The following CTNND2 variants were observed in gnomAD, a reference collection of about 807,000 sequenced individuals.
The protein encoded by CTNND2 is catenin delta-2.
Under a neutral mutation model 144.4 loss-of-function variants are expected in CTNND2, and 22 were observed. The ratio of observed to expected loss-of-function variants is 0.15; its 90% CI spans 0.11 to 0.22. CTNND2 has a LOEUF of 0.22. CTNND2 is among the 10% of genes least tolerant of loss of function. The pLI is 1.00. For synonymous variants in CTNND2, 751 were observed against 695.6 expected (o/e 1.08, Z -1.25); for missense variants, 1,353 against 1,618.8 (o/e 0.84, Z 2.82).
intron 2 of CTNND2, among the ~76,000 whole-genome samples, chr5:11,578,243 AC>A (rs1778115541): frequency 6.6e-6 from 1 of 152,212 alleles, no homozygotes. Flanking sequence ...TTAAAATTGT[AC>A]CCTAACGTAA....
chr5:11,417,244 G>T (rs558987659), intron 3 of CTNND2, among the ~76,000 whole-genome samples: 2 of 152,264 alleles, frequency 1.3e-5, no homozygotes, highest in Admixed American at 1.3e-4. Context: ...AGAAGCCAGG[G>T]TTATGACCTT....
intron 18 of CTNND2, among the ~76,000 whole-genome samples, chr5:11,015,476 T>C (rs140738021): frequency 6.6e-6 from 1 of 152,372 alleles, no homozygotes; most frequent in African/African-American, 2.4e-5. Flanking sequence ...GAAACATATT[T>C]TAAGCATCTT....
chr5:11,354,536 T>C (rs1755661934), intron 8 of CTNND2, among the ~76,000 whole-genome samples: 1 of 152,204 alleles, frequency 6.6e-6, no homozygotes, highest in Non-Finnish European at 1.5e-5. Context: ...TCTTGATCTA[T>C]TCATTTGTCT....
intron 11 of CTNND2, among the ~76,000 whole-genome samples, chr5:11,164,583 T>C (rs774808981): frequency 6.6e-6 from 1 of 152,182 alleles, no homozygotes; most frequent in Non-Finnish European, 1.5e-5. Flanking sequence ...CTCTAGTCAC[T>C]GTGCTCCAGC....
At chr5:11,172,628 G>C (rs1760043119) in intron 11 of CTNND2, among the ~76,000 whole-genome samples, 1 of 152,178 alleles carries the variant, frequency 6.6e-6, no homozygotes, top group Non-Finnish European at 1.5e-5. Flanking sequence ...GGGTGATAGA[G>C]GATAAAACAA....
intron 1 of CTNND2, among the ~76,000 whole-genome samples, chr5:11,793,179 T>C (rs1044255307): frequency 6.6e-6 from 1 of 152,210 alleles, no homozygotes; most frequent in Non-Finnish European, 1.5e-5. Flanking sequence ...ACTATAAATG[T>C]CCACTCTTCA....
chr5:11,497,826 C>T (rs186988575), intron 3 of CTNND2, among the ~76,000 whole-genome samples: 1 of 152,122 alleles, frequency 6.6e-6, no homozygotes, highest in Non-Finnish European at 1.5e-5. Flanking sequence ...CTGTACTCCT[C>T]CCCACCCCAC....
intron 9 of CTNND2, among the ~76,000 whole-genome samples, chr5:11,237,266 A>T: frequency 6.6e-6 from 1 of 151,882 alleles, no homozygotes. Context: ...TGATCCGCCC[A>T]CCTCGGCCTC....
chr5:11,804,027 C>T (rs1273646633), intron 1 of CTNND2, among the ~76,000 whole-genome samples: 4 of 152,116 alleles, frequency 2.6e-5, no homozygotes, highest in African/African-American at 9.7e-5. Context: ...GAGTTCTGTA[C>T]TTCTATAAAG....
intron 2 of CTNND2, among the ~76,000 whole-genome samples, chr5:11,684,147 G>C (rs144650645): frequency 0.013 from 1,902 of 151,204 alleles, 16 homozygotes; most frequent in Non-Finnish European, 0.02. Flanking sequence ...TGTCATCCAG[G>C]CTGGAATGCA....
chr5:11,300,959 A>G (rs1749538685), intron 9 of CTNND2, among the ~76,000 whole-genome samples: 1 of 152,160 alleles, frequency 6.6e-6, no homozygotes, highest in African/African-American at 2.4e-5. Context: ...GGAAGAAAAC[A>G]AAACAGAATG....
intron 2 of CTNND2, among the ~76,000 whole-genome samples, chr5:11,595,446 G>C (rs953053758): frequency 2.0e-5 from 3 of 152,252 alleles, no homozygotes; most frequent in African/African-American, 7.2e-5. Context: ...GCAGTGTAGG[G>C]TATATTAAAT....
chr5:11,847,155 TA>T, intron 1 of CTNND2, among the ~76,000 whole-genome samples: 1 of 132,560 alleles, frequency 7.5e-6, no homozygotes, highest in Non-Finnish European at 1.6e-5. Context: ...TATATATATA[TA>T]TATATATATA....
chr5:11,795,659 G>A (rs1791361651), intron 1 of CTNND2, among the ~76,000 whole-genome samples: 1 of 152,180 alleles, frequency 6.6e-6, no homozygotes, highest in Non-Finnish European at 1.5e-5. Context: ...GTGGCTGATG[G>A]CCCATGATAG....
intron 1 of CTNND2, among the ~76,000 whole-genome samples, chr5:11,860,105 T>C (rs4330462): frequency 0.66 from 100,058 of 152,172 alleles, 33,413 homozygotes; most frequent in East Asian, 0.82. Context: ...TAAGGTTCAA[T>C]TGGTTTATGC....
At chr5:11,775,516 ACTTTATCTTGT>A (rs1410508249) in intron 1 of CTNND2, among the ~76,000 whole-genome samples, 1 of 152,172 alleles carries the variant, frequency 6.6e-6, no homozygotes, top group Non-Finnish European at 1.5e-5. Context: ...ACTTGATATC[ACTTTATCTTGT>A]CAAGGATCTC....
intron 14 of CTNND2, among the ~76,000 whole-genome samples, chr5:11,104,010 C>T (rs1014886245): frequency 1.3e-5 from 2 of 152,208 alleles, no homozygotes; most frequent in African/African-American, 4.8e-5. Flanking sequence ...TTCCACCTGT[C>T]ACAGGCTTCA....
intron 3 of CTNND2, among the ~76,000 whole-genome samples, chr5:11,455,600 G>GCT (rs1448652621): frequency 6.6e-6 from 1 of 152,180 alleles, no homozygotes; most frequent in Non-Finnish European, 1.5e-5. Context: ...AGCTTAGAAA[G>GCT]CTCTCTGGGA....
At chr5:11,579,378 C>T (rs1006953709) in intron 2 of CTNND2, among the ~76,000 whole-genome samples, 14 of 152,044 alleles carry the variant, frequency 9.2e-5, no homozygotes, top group Admixed American at 3.3e-4. Context: ...CTCCAATGTG[C>T]GGAAGTGTCT....
Sources: allele counts gnomAD v4.1 joint callset (sites outside exome capture counted in the v4.1 genomes callset), GRCh38; gene constraint gnomAD v4.1.1; transcripts MANE v1.5; gene names NCBI Gene and HGNC (gene_info 2026-07-23, HGNC 2026-07-21).